The following TMPRSS15 variants were observed in gnomAD, a reference collection of about 807,000 sequenced individuals.
TMPRSS15 encodes transmembrane serine protease 15.
In TMPRSS15, 128 loss-of-function variants were observed where a neutral mutation model predicts 125.3. That is an observed-to-expected ratio of 1.02 (90% confidence interval 0.89 to 1.18). The LOEUF is 1.18. Ranked by LOEUF, TMPRSS15 falls within the 50% of genes most tolerant of loss-of-function variation. TMPRSS15 has a pLI of 0.00. For missense variants in TMPRSS15, 1,283 were observed against 1,212.7 expected, an observed-to-expected ratio of 1.06 and a Z score of -0.86; for synonymous variants, 446 against 423.2, an observed-to-expected ratio of 1.05 and a Z score of -0.66.
chr21:18,449,466 G>C (rs150841362), intron 1 of TMPRSS15, among the ~76,000 whole-genome samples: 132 of 152,102 alleles, frequency 8.7e-4, no homozygotes, highest in African/African-American at 3.2e-3. Context: ...TTTAAATTGT[G>C]TAACTTAAGG....
At chr21:18,300,250 CTTCT>C (rs1296011023) in intron 18 of TMPRSS15, among the ~76,000 whole-genome samples, 2 of 140,300 alleles carry the variant, frequency 1.4e-5, no homozygotes, top group Non-Finnish European at 3.1e-5. Context: ...CTTTGTTTTT[CTTCT>C]TTCTCTCTTT....
At chr21:18,305,244 A>G (rs964583967) in intron 18 of TMPRSS15, among the ~76,000 whole-genome samples, 1 of 124,942 alleles carries the variant, frequency 8.0e-6, no homozygotes, top group Non-Finnish European at 1.6e-5. Context: ...GCTGGAGTGC[A>G]GTGGCGCGAT....
chr21:18,459,647 GTTGAT>G (rs1481533866), intron 1 of TMPRSS15, among the ~76,000 whole-genome samples: 1 of 152,008 alleles, frequency 6.6e-6, no homozygotes, highest in Non-Finnish European at 1.5e-5. Context: ...CTGCAAATGT[GTTGAT>G]TTATTTTCAT....
chr21:18,273,935 C>T (rs2074590231), intron 24 of TMPRSS15, among the ~76,000 whole-genome samples: 1 of 152,144 alleles, frequency 6.6e-6, no homozygotes, highest in African/African-American at 2.4e-5. Flanking sequence ...TCTGAATAAG[C>T]GTCAATTTAG....
chr21:18,467,242 C>T (rs901981434), intron 1 of TMPRSS15, among the ~76,000 whole-genome samples: 12 of 152,022 alleles, frequency 7.9e-5, no homozygotes, highest in South Asian at 6.2e-4. Flanking sequence ...GAACATCACA[C>T]GCCAGGGCCT....
chr21:18,300,294 TTCTC>T (rs1187103446), intron 18 of TMPRSS15, among the ~76,000 whole-genome samples: 83 of 121,458 alleles, frequency 6.8e-4, no homozygotes, highest in Admixed American at 1.2e-3. Flanking sequence ...CTCTCTTTCT[TTCTC>T]TCTCTCTCTC....
chr21:18,456,184 G>C (rs1978437137), intron 1 of TMPRSS15, among the ~76,000 whole-genome samples: 1 of 152,124 alleles, frequency 6.6e-6, no homozygotes, highest in Admixed American at 6.6e-5. Context: ...CACAAGGCAG[G>C]AATTTAAGTA....
At chr21:18,298,183 C>T (rs955614549) in intron 18 of TMPRSS15, among the ~76,000 whole-genome samples, 8 of 152,104 alleles carry the variant, frequency 5.3e-5, no homozygotes, top group Admixed American at 2.0e-4. Flanking sequence ...CCATAAAAAC[C>T]GCTTTGAATG....
At chr21:18,347,422 A>T (rs1034733089) in intron 10 of TMPRSS15, among the ~76,000 whole-genome samples, 5 of 152,100 alleles carry the variant, frequency 3.3e-5, no homozygotes, top group African/African-American at 1.2e-4. Flanking sequence ...TTTTTAGTAG[A>T]GATGGAGTTT....
chr21:18,292,440 T>G (rs997089), intron 21 of TMPRSS15, among the ~76,000 whole-genome samples: 1 of 152,184 alleles, frequency 6.6e-6, no homozygotes, highest in African/African-American at 2.4e-5. Flanking sequence ...CTGGTAACAA[T>G]TGGACATGTG....
intron 24 of TMPRSS15, among the ~76,000 whole-genome samples, chr21:18,273,474 C>T (rs1424406377): frequency 2.0e-5 from 3 of 152,126 alleles, no homozygotes; most frequent in Non-Finnish European, 4.4e-5. Flanking sequence ...CAAGGTATTA[C>T]CTTATGTGGG....
intron 3 of TMPRSS15, among the ~76,000 whole-genome samples, chr21:18,387,687 G>A (rs564622671): frequency 4.0e-5 from 6 of 151,078 alleles, no homozygotes; most frequent in African/African-American, 9.7e-5. Flanking sequence ...TTAGTAAGTG[G>A]CAGAGATTGG....
chr21:18,385,654 G>A (rs1412551826), intron 3 of TMPRSS15, among the ~76,000 whole-genome samples: 1 of 152,120 alleles, frequency 6.6e-6, no homozygotes, highest in Non-Finnish European at 1.5e-5. Flanking sequence ...GCAGAAGAAG[G>A]AAAGTACCCA....
chr21:18,335,480 A>C (rs2075382925), intron 13 of TMPRSS15, among the ~76,000 whole-genome samples: 2 of 152,138 alleles, frequency 1.3e-5, no homozygotes, highest in South Asian at 4.1e-4. Context: ...CATAACAAGA[A>C]CTCCAACGTT....
intron 1 of TMPRSS15, among the ~76,000 whole-genome samples, chr21:18,432,629 C>T (rs2076218526): frequency 6.6e-6 from 1 of 152,140 alleles, no homozygotes. Flanking sequence ...CTTCCATACG[C>T]TAAAGAAAGC....
chr21:18,351,700 G>C (rs1328147806), intron 10 of TMPRSS15, among the ~76,000 whole-genome samples: 1 of 152,080 alleles, frequency 6.6e-6, no homozygotes, highest in Non-Finnish European at 1.5e-5. Flanking sequence ...CCAGTCTCAG[G>C]TATTTCTTTA....
intron 7 of TMPRSS15, among the ~76,000 whole-genome samples, chr21:18,360,096 C>T (rs1177674328): frequency 6.6e-6 from 1 of 152,032 alleles, no homozygotes; most frequent in African/African-American, 2.4e-5. Context: ...GACAACTTCC[C>T]ATTGCTTAGT....
chr21:18,466,760 C>A (rs1978671029), intron 1 of TMPRSS15, among the ~76,000 whole-genome samples: 1 of 152,100 alleles, frequency 6.6e-6, no homozygotes, highest in South Asian at 2.1e-4. Flanking sequence ...CAGGAAACAA[C>A]AGATGCTGGA....
At chr21:18,465,064 G>A (rs1437755068) in intron 1 of TMPRSS15, among the ~76,000 whole-genome samples, 1 of 152,106 alleles carries the variant, frequency 6.6e-6, no homozygotes, top group East Asian at 1.9e-4. Context: ...TATCCACCAT[G>A]ATCAATTCGG....
Sources: allele counts gnomAD v4.1 joint callset (sites outside exome capture counted in the v4.1 genomes callset), GRCh38; gene constraint gnomAD v4.1.1; transcripts MANE v1.5; gene names NCBI Gene and HGNC (gene_info 2026-07-23, HGNC 2026-07-21).